Variants in GRIK4 observed in about 807,000 individuals in gnomAD.
GRIK4 encodes the protein glutamate receptor ionotropic, kainate 4.
GRIK4 carries 40 observed loss-of-function variants against 104.9 expected under a neutral mutation model. That is an observed-to-expected ratio of 0.38 (90% CI 0.30 to 0.50). The LOEUF (loss-of-function observed/expected upper bound fraction) is 0.50. Ranked by LOEUF, GRIK4 falls within the 20% of genes least tolerant of loss-of-function variation. The probability of loss-of-function intolerance (pLI) is 0.93; values close to 1 mark genes in which losing one functional copy is unlikely to be tolerated. For synonymous variants in GRIK4, 485 were observed against 524.9 expected (o/e 0.92, Z 1.04); for missense variants, 1,047 against 1,308.1 (o/e 0.80, Z 3.08).
chr11:120,852,546 T>C (rs984905358), intron 8 of GRIK4, among the ~76,000 whole-genome samples: 2 of 152,044 alleles, frequency 1.3e-5, no homozygotes, highest in African/African-American at 4.8e-5. Flanking sequence ...ATGGGGTAAA[T>C]GAATAGGAAA....
intron 12 of GRIK4, among the ~76,000 whole-genome samples, chr11:120,899,009 C>T (rs532402276): frequency 7.2e-5 from 11 of 152,264 alleles, no homozygotes; most frequent in African/African-American, 2.6e-4. Flanking sequence ...TGGGTGCCTG[C>T]TGTGTACAAA....
chr11:120,731,853 T>C (rs1591843078), intron 3 of GRIK4, among the ~76,000 whole-genome samples: 1 of 152,346 alleles, frequency 6.6e-6, no homozygotes, highest in East Asian at 1.9e-4. Context: ...TAGTTGCTTA[T>C]AGTAGCCACT....
intron 11 of GRIK4, among the ~76,000 whole-genome samples, chr11:120,892,570 C>T (rs942080359): frequency 6.6e-6 from 1 of 152,072 alleles, no homozygotes; most frequent in Non-Finnish European, 1.5e-5. Context: ...ATGGGGGTCT[C>T]CTGATGCCAG....
chr11:120,890,892 C>A (rs1955269647), intron 11 of GRIK4, among the ~76,000 whole-genome samples: 1 of 152,296 alleles, frequency 6.6e-6, no homozygotes, highest in Admixed American at 6.5e-5. Flanking sequence ...TTACGGTGGC[C>A]TCCCTAGAAG....
In GRIK4 at chr11:120,732,016, A is replaced by AT. The variant is rs202010196; in HGVS notation, c.83-70670dup. On this transcript the variant is annotated intron_variant, in intron 3 of 20. Transcript: ENST00000527524. ...AAAAAACCAACTCTCTGTTTCATTG[A>AT]TTTTTTTGTATTCTTTGTTTCAGTT... Among the ~76,000 whole-genome samples the AT allele has an allele frequency of 3.2e-3, 481 of 151,022 alleles. 1 individual carries two copies. The highest frequency in any genetic ancestry group is 6.3e-3 in the Admixed American group (95 of 15,178).
intron 9 of GRIK4, chr11:120,870,575 G>C (rs905840317): frequency 2.6e-5 from 4 of 152,138 alleles, no homozygotes; most frequent in African/African-American, 9.7e-5. Flanking sequence ...TAGGCTTCTC[G>C]GAGGGAGGGA....
intron 1 of GRIK4, among the ~76,000 whole-genome samples, chr11:120,514,454 C>G (rs1407646248): frequency 1.3e-5 from 2 of 152,202 alleles, no homozygotes; most frequent in Non-Finnish European, 2.9e-5. Context: ...GACGCTCAGT[C>G]CAGTGCTGTT....
At chr11:120,612,202 G>A (rs978296132) in intron 1 of GRIK4, among the ~76,000 whole-genome samples, 14 of 152,056 alleles carry the variant, frequency 9.2e-5, no homozygotes, top group African/African-American at 3.1e-4. Context: ...GGGACAACTC[G>A]TCCGCCCGTG....
intron 8 of GRIK4, among the ~76,000 whole-genome samples, chr11:120,856,909 C>G (rs970433541): frequency 7.2e-5 from 11 of 152,160 alleles, no homozygotes; most frequent in African/African-American, 2.7e-4. Flanking sequence ...GCCTGCTTAG[C>G]CCAGCTGAAC....
At chr11:120,934,173 C>T (rs1943542937) in intron 13 of GRIK4, among the ~76,000 whole-genome samples, 5 of 145,234 alleles carry the variant, frequency 3.4e-5, no homozygotes, top group Admixed American at 1.4e-4. Flanking sequence ...CCACTGCACT[C>T]CAGGCTGGGT....
At chr11:120,543,298 C>T (rs1373844296) in intron 1 of GRIK4, among the ~76,000 whole-genome samples, 1 of 152,148 alleles carries the variant, frequency 6.6e-6, no homozygotes, top group Non-Finnish European at 1.5e-5. Flanking sequence ...AAAACTAGGC[C>T]TGGGTGTGGT....
intron 8 of GRIK4, among the ~76,000 whole-genome samples, chr11:120,848,380 C>T (rs1953899606): frequency 6.6e-6 from 1 of 152,202 alleles, no homozygotes; most frequent in Admixed American, 6.5e-5. Flanking sequence ...CAGTACCTAG[C>T]GCAGGCTCTG....
chr11:120,862,408 C>T, intron 9 of GRIK4: 1 of 299,798 alleles, frequency 3.3e-6, no homozygotes, highest in South Asian at 1.2e-4. Flanking sequence ...TTGCCGAGAG[C>T]TGCCTGAGTT....
At chr11:120,701,028 C>T (rs545980916) in intron 3 of GRIK4, among the ~76,000 whole-genome samples, 5 of 152,280 alleles carry the variant, frequency 3.3e-5, no homozygotes, top group South Asian at 4.1e-4. Flanking sequence ...AGGAGCAATA[C>T]GCTGTTTCAT....
intron 3 of GRIK4, among the ~76,000 whole-genome samples, chr11:120,740,918 A>T (rs548701675): frequency 6.6e-6 from 1 of 152,262 alleles, no homozygotes; most frequent in East Asian, 1.9e-4. Flanking sequence ...TTGACGCAAG[A>T]TCTGAGACTG....
chr11:120,923,802 G>A (rs894726305), intron 13 of GRIK4, among the ~76,000 whole-genome samples: 4 of 152,178 alleles, frequency 2.6e-5, no homozygotes, highest in Non-Finnish European at 5.9e-5. Flanking sequence ...GTTCAGAGAG[G>A]CTAAGTAACT....
intron 14 of GRIK4, among the ~76,000 whole-genome samples, chr11:120,946,035 T>C (rs1222801517): frequency 6.6e-6 from 1 of 152,238 alleles, no homozygotes; most frequent in Non-Finnish European, 1.5e-5. Flanking sequence ...GGTATAGCAG[T>C]ATAATTCCAA....
chr11:120,542,091 T>G (rs1948043552), intron 1 of GRIK4, among the ~76,000 whole-genome samples: 2 of 152,174 alleles, frequency 1.3e-5, no homozygotes. Flanking sequence ...AACAATATGG[T>G]ACTGGCATAA....
chr11:120,984,783 A>C (rs796690105), intron 20 of GRIK4, among the ~76,000 whole-genome samples: 165 of 136,822 alleles, frequency 1.2e-3, no homozygotes, highest in African/African-American at 4.2e-3. Context: ...AAAACCAAAA[A>C]CAAACAAACA....
Sources: gnomAD v4.1 joint callset for allele counts (sites outside exome capture counted in the v4.1 genomes callset) on GRCh38, gnomAD v4.1.1 for gene constraint, MANE v1.5 for transcripts, NCBI Gene and HGNC (gene_info 2026-07-23, HGNC 2026-07-21) for gene names.